The following DMD variants were observed in gnomAD, a reference collection of about 807,000 sequenced individuals.
DMD encodes mutant dystrophin.
DMD carries 63 observed loss-of-function variants against 330.1 expected under a neutral mutation model. That is an observed-to-expected ratio of 0.19 (90% CI 0.16 to 0.24). DMD has a LOEUF of 0.24. DMD is among the 10% of genes least tolerant of loss of function. The pLI, the probability that DMD is intolerant of heterozygous loss-of-function variation, is 1.00. For synonymous variants in DMD, 1,223 were observed against 959.8 expected (o/e 1.27, Z -5.07); for missense variants, 3,344 against 2,684.1 (o/e 1.25, Z -5.43).
At chrX:32,729,080 T>C (rs1239875308) in intron 7 of DMD, among the ~76,000 whole-genome samples, 1 of 112,271 alleles carries the variant, frequency 8.9e-6, no homozygotes, top group Admixed American at 9.5e-5. Context: ...GTAAGTTCAA[T>C]ACAGGTTGAA....
intron 48 of DMD, among the ~76,000 whole-genome samples, chrX:31,867,164 A>G (rs1470066061): frequency 1.9e-5 from 2 of 107,648 alleles, no homozygotes; most frequent in Non-Finnish European, 3.8e-5. Flanking sequence ...TAACATTTTC[A>G]TCTTTTCTAT....
In DMD at chrX:32,365,314, CTA is replaced by C. The variant is rs1167545346; in HGVS notation, c.4846-117_4846-116del. ...ATTCTGCAAGGTTTTAAACCTATAA[CTA>C]TGTATTAATGAATCATGAAAACCAT... is the stretch of plus-strand genomic sequence containing the variant. On this transcript the variant is annotated intron_variant, in intron 34 of 78. Coordinates refer to ENST00000357033, the MANE Select transcript of DMD (RefSeq NM_004006.3). 8.6e-6 allele frequency: 6 copies of C among 695,557 alleles called. No individual in the cohort carries two copies. In the African/African-American group the frequency reaches 1.3e-4, roughly 15 times the overall value. The allele number at this position is 695,557 out of a possible 1,213,427, so 57.3% of individuals were successfully genotyped here. A position where few individuals can be genotyped will look rare whatever the true frequency, so the allele number is the denominator to read the frequency against.
chrX:33,019,058 C>A (rs552532715), intron 2 of DMD, among the ~76,000 whole-genome samples: 2 of 111,225 alleles, frequency 1.8e-5, no homozygotes, highest in African/African-American at 6.5e-5. Flanking sequence ...TACCAAATAC[C>A]ACAAAGAATA....
At chrX:33,198,549 C>A (rs927240504) in intron 1 of DMD, among the ~76,000 whole-genome samples, 12 of 110,763 alleles carry the variant, frequency 1.1e-4, no homozygotes, top group Non-Finnish European at 5.7e-5. Context: ...AAAATGCAAT[C>A]AAAATATCAT....
At chrX:32,860,049 G>A (rs1197049734) in intron 2 of DMD, among the ~76,000 whole-genome samples, 4 of 111,529 alleles carry the variant, frequency 3.6e-5, no homozygotes, top group African/African-American at 9.8e-5. Flanking sequence ...ACCACAACAC[G>A]AAAGGACCTA....
Position 32,379,678 on chromosome X carries a change from C to T in DMD, c.4845+832G>A, listed in dbSNP as rs780379708. 5.2e-3 allele frequency among the ~76,000 whole-genome samples: 582 copies of T among 111,288 alleles called. 10 individuals carry two copies. Among genetic ancestry groups the T allele is most frequent in the Middle Eastern group, 0.014 (3 of 216 alleles). On this transcript the variant is annotated intron_variant, in intron 34 of 78. Coordinates refer to ENST00000357033, the MANE Select transcript of DMD (RefSeq NM_004006.3). ...GTTTTCAGTTTGGGTCTCATTTATA[C>T]GATTGTAAGTTTTTACATAAGGTAT...
chrX:32,518,480 G>GA (rs767188109), intron 17 of DMD, among the ~76,000 whole-genome samples: 9,339 of 106,548 alleles, frequency 0.088, 802 homozygotes, highest in African/African-American at 0.26. Context: ...GTATTTATGA[G>GA]AAAAAAAAAA....
chrX:32,573,686 C>A, intron 14 of DMD, 49 bp from the exon 15 acceptor site: 1 of 1,196,441 alleles, frequency 8.4e-7, no homozygotes, highest in Non-Finnish European at 1.1e-6. Flanking sequence ...TAAATCTTTA[C>A]TTTTCCAATT....
chrX:33,042,917 T>A (rs753752442), intron 1 of DMD, among the ~76,000 whole-genome samples: 1 of 111,558 alleles, frequency 9.0e-6, no homozygotes, highest in Non-Finnish European at 1.9e-5. Flanking sequence ...CAGGCAGACA[T>A]CCTTAGTACC....
rs759928754 is a variant in DMD, at chrX:31,180,348, G to A, written c.10086+22C>T. 2.4e-5 allele frequency: 25 copies of A among 1,058,423 alleles called. 1 individual carries two copies. The South Asian group carries it at 3.7e-4, about 16-fold the overall frequency. 87.2% of individuals were successfully genotyped at this position (1,058,423 alleles called of 1,213,427 possible). On this transcript the variant is annotated intron_variant, in intron 69 of 78. Coordinates refer to ENST00000357033, the MANE Select transcript of DMD (RefSeq NM_004006.3). Reference sequence around the variant, plus strand: ...TTATCCCAGGTGAACTAACTCTCACGTCAGGCTGGCGTCAAACTTACCGGA... The same window carrying A: ...TTATCCCAGGTGAACTAACTCTCACATCAGGCTGGCGTCAAACTTACCGGA...
chrX:32,637,797 G>A (rs183562568), intron 11 of DMD, among the ~76,000 whole-genome samples: 7 of 111,467 alleles, frequency 6.3e-5, no homozygotes, highest in African/African-American at 1.3e-4. Context: ...AGAACAGCAT[G>A]AGGGTTACAC....
At chrX:32,030,749 G>A (rs1277360216) in intron 44 of DMD, among the ~76,000 whole-genome samples, 5 of 111,677 alleles carry the variant, frequency 4.5e-5, no homozygotes, top group Non-Finnish European at 9.4e-5. Context: ...GATATCATAT[G>A]GCCTAATAAA....
chrX:31,491,166 T>C (rs2069265605), intron 57 of DMD, among the ~76,000 whole-genome samples: 1 of 112,147 alleles, frequency 8.9e-6, no homozygotes, highest in East Asian at 2.8e-4. Flanking sequence ...ATTTCATTAG[T>C]AAAAAGGCAA....
chrX:33,198,932 C>T (rs2148820994), intron 1 of DMD, among the ~76,000 whole-genome samples: 1 of 107,523 alleles, frequency 9.3e-6, no homozygotes, highest in South Asian at 4.0e-4. Flanking sequence ...AATAGAAAAG[C>T]ATACACAAAA....
At chrX:32,102,797 A>T (rs1176682576) in intron 44 of DMD, among the ~76,000 whole-genome samples, 1 of 111,615 alleles carries the variant, frequency 9.0e-6, no homozygotes, top group Non-Finnish European at 1.9e-5. Context: ...TGCAACGAGT[A>T]GCTCCTTATT....
At chrX:31,171,575 T>C (rs1417865460) in intron 73 of DMD, among the ~76,000 whole-genome samples, 2 of 111,788 alleles carry the variant, frequency 1.8e-5, no homozygotes, top group Non-Finnish European at 3.8e-5. Context: ...TTTTCCTTCA[T>C]ATTTGCTTCA....
In DMD at chrX:33,225,163, A is replaced by G. The variant is rs191828878; in HGVS notation, c.7+114096T>C. On this transcript the variant is annotated intron_variant, in intron 1 of 17. Transcript: ENST00000288447. ...TTTACACAATTTTTATCAAAATCTC[A>G]GCAATATTTTTGGAATTTAGGTGTA... Among the ~76,000 whole-genome samples, 261 of 111,721 alleles carry G rather than the reference A, an allele frequency of 2.3e-3. 2 individuals are homozygous for G. Among genetic ancestry groups the G allele is most frequent in the African/African-American group, 7.7e-3 (238 of 30,859 alleles).
chrX:31,660,486 G>C (rs998496135), intron 53 of DMD, among the ~76,000 whole-genome samples: 2 of 111,852 alleles, frequency 1.8e-5, no homozygotes, highest in Non-Finnish European at 3.8e-5. Flanking sequence ...AGTATCCAGA[G>C]GGTGCTATTT....
intron 9 of DMD, among the ~76,000 whole-genome samples, chrX:32,687,308 G>T (rs1481326536): frequency 1.8e-5 from 2 of 111,849 alleles, no homozygotes; most frequent in Non-Finnish European, 3.8e-5. Context: ...GAAGAATCTT[G>T]TAAGTTCTGA....
Sources: gnomAD v4.1 joint callset for allele counts (sites outside exome capture counted in the v4.1 genomes callset) on GRCh38, gnomAD v4.1.1 for gene constraint, MANE v1.5 for transcripts, NCBI Gene and HGNC (gene_info 2026-07-23, HGNC 2026-07-21) for gene names.